The following GPR55 variants were observed in gnomAD, a reference collection of about 807,000 sequenced individuals.
GPR55 encodes G protein-coupled receptor 55.
In GPR55, 6 loss-of-function variants were observed where a neutral mutation model predicts 7.9. The ratio of observed to expected loss-of-function variants is 0.76; its 90% CI spans 0.41 to 1.49. GPR55 has a LOEUF of 1.49. GPR55 is among the 40% of genes most tolerant of loss of function. The pLI is 0.01. For missense variants in GPR55, 376 were observed against 406.0 expected (o/e 0.93, Z 0.63); for synonymous variants, 183 against 166.8 (o/e 1.10, Z -0.75).
rs184913097 is a variant in GPR55 at position 230,960,570 on chromosome 2, T to C, written c.-135+205A>G. ...ATCCCAGTATAAAACCACGAATACT[T>C]CTGAATGACAACAAAAAAAAATCAC... On this transcript the variant is annotated intron_variant, in intron 1 of 1. Coordinates refer to the GPR55 transcript ENST00000392039. Among the ~76,000 whole-genome samples, 111 of 152,100 alleles carry C rather than the reference T, an allele frequency of 7.3e-4. 1 individual carries two copies. The highest frequency in any genetic ancestry group is 2.6e-3 in the African/African-American group (107 of 41,504).
At chr2:230,947,116 GA>G (rs1300647258) in intron 1 of GPR55, among the ~76,000 whole-genome samples, 1 of 152,206 alleles carries the variant, frequency 6.6e-6, no homozygotes, top group Non-Finnish European at 1.5e-5. Flanking sequence ...GCCCAAGCCA[GA>G]AAGAGCCATT....
chr2:230,919,567 A>C (rs555943501), intron 1 of GPR55, among the ~76,000 whole-genome samples: 1 of 152,214 alleles, frequency 6.6e-6, no homozygotes, highest in South Asian at 2.1e-4. Context: ...AGTCACCAAT[A>C]TGCTAGTAAG....
chr2:230,910,122 A>C lies in GPR55; in HGVS notation c.841T>G (p.Cys281Gly). ...QLSMCFSNVN[C>G]CLDVFCYYFV... is the part of the protein sequence containing the mutation. ...TAGTAGCAGAAAACATCCAGGCAGC[A>C]GTTGACGTTGGAGAAACACATGGAC... Residue 281 changes from cysteine to glycine, a missense_variant, in exon 2 of 2, where the codon TGC becomes GGC. Transcript: ENST00000650999. This position sits in a 1 kb window ranked among gnomAD's most constrained non-coding sequence, Gnocchi z 5.4. 5.6e-6 allele frequency: 9 copies of C among 1,614,222 alleles called. No homozygotes were observed. Among genetic ancestry groups the C allele is most frequent in the South Asian group, 1.1e-5 (1 of 91,084 alleles).
chr2:230,909,966 G>T lies in GPR55; in HGVS notation c.*37C>A. 6.3e-7 allele frequency: 1 copy of T among 1,582,538 alleles called. No homozygotes were observed. The highest frequency in any genetic ancestry group is 8.6e-7 in the Non-Finnish European group (1 of 1,162,772). On this transcript the variant is annotated 3_prime_UTR_variant, in exon 2 of 2. Transcript: ENST00000650999. Reference sequence around the variant, plus strand: ...GCGATATCCGTTACCAGAATTCAGGGCCAGGGCTTTCTTCCCCTGAACAGG... The same window carrying T: ...GCGATATCCGTTACCAGAATTCAGGTCCAGGGCTTTCTTCCCCTGAACAGG...
At chr2:230,957,397 A>G (rs993704037) in intron 1 of GPR55, among the ~76,000 whole-genome samples, 2 of 152,190 alleles carry the variant, frequency 1.3e-5, no homozygotes, top group Non-Finnish European at 2.9e-5. Flanking sequence ...TCCAGCATGG[A>G]TACGCGGGAC....
At chr2:230,961,119 G>A (rs3106075), upstream of GPR55, 40,587 of 152,048 alleles carry the variant, frequency 0.27, 5,760 homozygotes, top group Non-Finnish European at 0.29. Flanking sequence ...GGCCTTATCT[G>A]CCCTAGGGGA....
intron 1 of GPR55, among the ~76,000 whole-genome samples, chr2:230,942,021 GC>G (rs1250305063): frequency 6.6e-6 from 1 of 152,106 alleles, no homozygotes; most frequent in Non-Finnish European, 1.5e-5. Context: ...CGGGGTAGTG[GC>G]CCCCTCTGAG....
At chr2:230,959,192 T>C (rs542636980) in intron 1 of GPR55, among the ~76,000 whole-genome samples, 1 of 152,332 alleles carries the variant, frequency 6.6e-6, no homozygotes, top group Admixed American at 6.5e-5. Context: ...ACGCCTGTAA[T>C]CCCAGCACTT....
intron 1 of GPR55, among the ~76,000 whole-genome samples, chr2:230,950,074 C>A (rs115074246): frequency 0.015 from 2,327 of 152,276 alleles, 59 homozygotes; most frequent in African/African-American, 0.053. Flanking sequence ...GTGATCCACC[C>A]TCTCGGCCTC....
intron 1 of GPR55, among the ~76,000 whole-genome samples, chr2:230,947,389 C>T (rs555782030): frequency 6.6e-6 from 1 of 152,126 alleles, no homozygotes; most frequent in Non-Finnish European, 1.5e-5. Context: ...TAGAAGATTG[C>T]ATCTAAGTTG....
At chr2:230,945,222 G>A (rs982053916) in intron 1 of GPR55, among the ~76,000 whole-genome samples, 11 of 152,200 alleles carry the variant, frequency 7.2e-5, no homozygotes, top group Non-Finnish European at 1.2e-4. Flanking sequence ...AAGCGGGGAC[G>A]TGGGTGGCGA....
chr2:230,935,958 T>G (rs1691124999), intron 1 of GPR55, among the ~76,000 whole-genome samples: 1 of 152,210 alleles, frequency 6.6e-6, no homozygotes, highest in Non-Finnish European at 1.5e-5. Context: ...AGCTTGTATA[T>G]ACTGAGGAGT....
chr2:230,949,251 T>C (rs1691363567), intron 1 of GPR55, among the ~76,000 whole-genome samples: 1 of 152,028 alleles, frequency 6.6e-6, no homozygotes, highest in African/African-American at 2.4e-5. Context: ...GCAACGTCTG[T>C]CTCCCGGGTT....
intron 1 of GPR55, among the ~76,000 whole-genome samples, chr2:230,912,587 G>A (rs1317629963): frequency 1.3e-5 from 2 of 151,896 alleles, no homozygotes; most frequent in Non-Finnish European, 2.9e-5. Context: ...GCACCACCAC[G>A]CTCACCACCC....
At position 230,924,359 on chromosome 2, in the gene GPR55, C is replaced by T. The variant is rs150781615; in HGVS notation, c.-135+809G>A. ...CCCTGTCCTCTCATCCCCACTGCCT[C>T]GGGCAGCACAAAGCCCAGGTGAAGC... On this transcript the variant is annotated intron_variant, in intron 1 of 1. Transcript: ENST00000650999. The surrounding 1 kb of genome is among the most constrained non-coding windows in gnomAD (Gnocchi z 4.5). Among the ~76,000 whole-genome samples the T allele has an allele frequency of 2.4e-3, 364 of 152,308 alleles. 1 individual carries two copies. The highest frequency in any genetic ancestry group is 7.6e-3 in the African/African-American group (314 of 41,554).
At chr2:230,920,599 G>A (rs933743775) in intron 1 of GPR55, among the ~76,000 whole-genome samples, 9 of 152,064 alleles carry the variant, frequency 5.9e-5, no homozygotes, top group Admixed American at 1.3e-4. Context: ...GAGACAAAAT[G>A]CCAGCTTCAT....
At chr2:230,955,883 C>A (rs1043651945) in intron 1 of GPR55, among the ~76,000 whole-genome samples, 1 of 152,158 alleles carries the variant, frequency 6.6e-6, no homozygotes, top group African/African-American at 2.4e-5. Flanking sequence ...TGTGCCACCA[C>A]ATCTGGCTAA....
chr2:230,919,091 A>G (rs754277334), intron 1 of GPR55, among the ~76,000 whole-genome samples: 6 of 152,162 alleles, frequency 3.9e-5, no homozygotes, highest in Non-Finnish European at 8.8e-5. Flanking sequence ...TCAGTTAACA[A>G]TTTGGGAGTA....
chr2:230,956,413 C>T (rs960069862), intron 1 of GPR55, among the ~76,000 whole-genome samples: 6 of 152,118 alleles, frequency 3.9e-5, no homozygotes, highest in South Asian at 2.1e-4. Flanking sequence ...GTGATCCACC[C>T]GCCTCCAGCC....
Sources: gnomAD v4.1 joint callset for allele counts (sites outside exome capture counted in the v4.1 genomes callset) on GRCh38, gnomAD v4.1.1 for gene constraint, Gnocchi (gnomAD v3.1) non-coding constraint, MANE v1.5 for transcripts, NCBI Gene and HGNC (gene_info 2026-07-23, HGNC 2026-07-21) for gene names.